The following VTI1A variants were observed in gnomAD, a reference collection of about 807,000 sequenced individuals.
The protein encoded by VTI1A is vesicle transport through interaction with t-SNAREs 1A.
Under a neutral mutation model 34.9 loss-of-function variants are expected in VTI1A, and 22 were observed. The observed-to-expected ratio is 0.63, with a 90% CI of 0.45 to 0.90. The LOEUF is 0.90. VTI1A is among the 40% of genes least tolerant of loss of function. VTI1A has a pLI of 0.00. For missense variants in VTI1A, 268 were observed against 275.6 expected, an observed-to-expected ratio of 0.97 and a Z score of 0.20; for synonymous variants, 87 against 97.3, an observed-to-expected ratio of 0.89 and a Z score of 0.62.
intron 3 of VTI1A, among the ~76,000 whole-genome samples, chr10:112,479,477 G>T (rs1217264654): frequency 6.6e-6 from 1 of 152,154 alleles, no homozygotes; most frequent in Non-Finnish European, 1.5e-5. Flanking sequence ...CTTGTCTTAA[G>T]ATTCCCTTTC....
At chr10:112,834,641 C>T in the VTI1A span, among the ~76,000 whole-genome samples, 3 of 152,184 alleles carry the variant, frequency 2.0e-5, no homozygotes, top group Non-Finnish European at 4.4e-5. Context: ...TCTTGATCTC[C>T]CCTCTCTGCT....
At chr10:112,665,646 CAGACTGT>C (rs1190206659) in intron 5 of VTI1A, among the ~76,000 whole-genome samples, 2 of 152,114 alleles carry the variant, frequency 1.3e-5, no homozygotes, top group Admixed American at 1.3e-4. Context: ...CCTTCAGTAG[CAGACTGT>C]AGGTCCACTC....
At chr10:112,725,001 C>G (rs1023246868) in intron 7 of VTI1A, among the ~76,000 whole-genome samples, 1 of 152,124 alleles carries the variant, frequency 6.6e-6, no homozygotes, top group African/African-American at 2.4e-5. Context: ...GTAAATATTT[C>G]AGTATGTATC....
At chr10:112,609,629 A>G (rs562747949) in intron 5 of VTI1A, among the ~76,000 whole-genome samples, 2 of 152,340 alleles carry the variant, frequency 1.3e-5, no homozygotes, top group East Asian at 3.9e-4. Context: ...TTGTTTTAGA[A>G]ACATTCTATT....
chr10:112,801,774 A>C (rs1177302275), intron 7 of VTI1A, among the ~76,000 whole-genome samples: 1 of 152,248 alleles, frequency 6.6e-6, no homozygotes, highest in Non-Finnish European at 1.5e-5. Flanking sequence ...TAGAAGAGAT[A>C]AATTGAGCCC....
Position 112,594,065 on chromosome 10 carries a change from A to G in VTI1A, c.427+55735A>G, listed in dbSNP as rs2134443673. Among the ~76,000 whole-genome samples the G allele has an allele frequency of 2.0e-5, 3 of 152,230 alleles. 1 individual carries two copies. In the South Asian group the frequency reaches 6.2e-4, roughly 32 times the overall value. On this transcript the variant is annotated intron_variant, in intron 5 of 7. Transcript: ENST00000393077. ...GCTGGGACTACAGGAGCCTGCCACC[A>G]TGCCCGGCTAATTTTTTTTGTATTT...
At chr10:112,575,462 G>A (rs1485747316) in intron 5 of VTI1A, among the ~76,000 whole-genome samples, 4 of 152,134 alleles carry the variant, frequency 2.6e-5, no homozygotes, top group Non-Finnish European at 1.5e-5. Context: ...TATTGATAAT[G>A]GCCAATGGTA....
chr10:112,831,600 C>T, the VTI1A span: 3 of 152,216 alleles, frequency 2.0e-5, no homozygotes, highest in South Asian at 4.1e-4. Flanking sequence ...GAGCCTCCAG[C>T]GCTGGTATTT....
chr10:112,821,364 G>A (rs1051218455), downstream of VTI1A, among the ~76,000 whole-genome samples: 3 of 152,282 alleles, frequency 2.0e-5, no homozygotes, highest in Non-Finnish European at 2.9e-5. Context: ...GGTGTGTTCA[G>A]GAGGGGACAA....
chr10:112,525,476 G>T (rs1162198528), intron 3 of VTI1A, among the ~76,000 whole-genome samples: 1 of 152,168 alleles, frequency 6.6e-6, no homozygotes, highest in Non-Finnish European at 1.5e-5. Context: ...TGAGCTGTGA[G>T]TCAGGACCCC....
intron 7 of VTI1A, among the ~76,000 whole-genome samples, chr10:112,721,581 C>T (rs897039177): frequency 3.3e-5 from 5 of 152,184 alleles, no homozygotes; most frequent in Admixed American, 6.5e-5. Flanking sequence ...TTAGTTACTA[C>T]GGTCCTAAAG....
intron 3 of VTI1A, among the ~76,000 whole-genome samples, chr10:112,484,341 A>G (rs546579673): frequency 1.7e-4 from 26 of 152,352 alleles, no homozygotes; most frequent in African/African-American, 6.3e-4. Flanking sequence ...AACTTTTCAC[A>G]TTGCTTTAAA....
chr10:112,531,723 G>C (rs1850450012), intron 4 of VTI1A, among the ~76,000 whole-genome samples: 1 of 152,150 alleles, frequency 6.6e-6, no homozygotes, highest in Admixed American at 6.5e-5. Flanking sequence ...GGCCCTTTAA[G>C]TATCATAGTC....
chr10:112,803,539 G>A (rs966806566), intron 7 of VTI1A, among the ~76,000 whole-genome samples: 2 of 152,230 alleles, frequency 1.3e-5, no homozygotes, highest in African/African-American at 4.8e-5. Flanking sequence ...AGGCCTGGCT[G>A]TGCCGCAGAT....
At chr10:112,761,923 G>A (rs1437033075) in intron 7 of VTI1A, among the ~76,000 whole-genome samples, 3 of 151,994 alleles carry the variant, frequency 2.0e-5, no homozygotes, top group African/African-American at 7.3e-5. Flanking sequence ...TCTACTCCGC[G>A]ATCTGAGTAA....
At chr10:112,544,497 G>A (rs759513132) in intron 5 of VTI1A, among the ~76,000 whole-genome samples, 7 of 152,194 alleles carry the variant, frequency 4.6e-5, no homozygotes, top group East Asian at 1.9e-4. Flanking sequence ...CACCACGCCC[G>A]GCTGAGACAG....
intron 5 of VTI1A, among the ~76,000 whole-genome samples, chr10:112,645,579 T>C (rs1846741378): frequency 6.6e-6 from 1 of 152,192 alleles, no homozygotes; most frequent in Non-Finnish European, 1.5e-5. Context: ...ACGTAAGATA[T>C]GAAATGAGGA....
intron 1 of VTI1A, among the ~76,000 whole-genome samples, chr10:112,458,509 T>G (rs909015381): frequency 6.6e-6 from 1 of 152,008 alleles, no homozygotes; most frequent in Non-Finnish European, 1.5e-5. Context: ...TAGGGAGAAA[T>G]ATTGTGAGTA....
rs780604794 is a variant in VTI1A at position 112,447,354 on chromosome 10, C to T, written c.-20C>T. On this transcript the variant is annotated 5_prime_UTR_variant, in exon 1 of 8. Transcript: ENST00000393077. Reference sequence around the variant, plus strand: ...TCCCTGACCTAGGCTTTGGCCTGGGCTACTCGTTCCGGAGCCGCCATGTCG... The same window carrying T: ...TCCCTGACCTAGGCTTTGGCCTGGGTTACTCGTTCCGGAGCCGCCATGTCG... The T allele has an allele frequency of 1.2e-6, 2 of 1,610,794 alleles. No individual in the cohort carries two copies. Among genetic ancestry groups the T allele is most frequent in the Non-Finnish European group, 1.7e-6 (2 of 1,178,816 alleles).
Sources: allele counts gnomAD v4.1 joint callset (sites outside exome capture counted in the v4.1 genomes callset), GRCh38; gene constraint gnomAD v4.1.1; transcripts MANE v1.5; gene names NCBI Gene and HGNC (gene_info 2026-07-23, HGNC 2026-07-21).